TCERG1L: variants seen among roughly 807,000 people sequenced by gnomAD.
The protein encoded by TCERG1L is transcription elongation regulator 1-like protein.
TCERG1L carries 37 observed loss-of-function variants against 56.3 expected under a neutral mutation model. That is an observed-to-expected ratio of 0.66 (90% CI 0.51 to 0.87). TCERG1L has a LOEUF of 0.87. Ranked by LOEUF, TCERG1L falls within the 40% of genes least tolerant of loss-of-function variation. The pLI is 0.00. For missense variants in TCERG1L, 799 were observed against 774.2 expected, an observed-to-expected ratio of 1.03 and a Z score of -0.38; for synonymous variants, 324 against 326.3, an observed-to-expected ratio of 0.99 and a Z score of 0.08.
Position 131,254,220 on chromosome 10 carries a change from G to A in TCERG1L, c.856+6039C>T, listed in dbSNP as rs1039869925. 3.3e-5 allele frequency among the ~76,000 whole-genome samples: 5 copies of A among 151,916 alleles called. No homozygotes were observed. In the East Asian group the frequency reaches 9.7e-4, roughly 30 times the overall value. On this transcript the variant is annotated intron_variant, in intron 4 of 11. Transcript: ENST00000368642. ...GGCTGCTCAGGAAGTAAGGGTGCAG[G>A]TGGGTCACACAGACAGTGACCCCAG...
At chr10:131,216,521 A>T (rs990488798) in intron 4 of TCERG1L, among the ~76,000 whole-genome samples, 1 of 152,198 alleles carries the variant, frequency 6.6e-6, no homozygotes, top group African/African-American at 2.4e-5. Flanking sequence ...TCTCATCCTT[A>T]CGTATTACAT....
At chr10:131,247,264 G>A (rs534861214) in intron 4 of TCERG1L, among the ~76,000 whole-genome samples, 1 of 152,224 alleles carries the variant, frequency 6.6e-6, no homozygotes, top group East Asian at 1.9e-4. Flanking sequence ...TGGCTTGCAT[G>A]TGTATATTAG....
chr10:131,279,977 A>C (rs1846433730), intron 3 of TCERG1L, among the ~76,000 whole-genome samples: 1 of 151,962 alleles, frequency 6.6e-6, no homozygotes, highest in African/African-American at 2.4e-5. Context: ...GCCAGCCTAC[A>C]CCCTTTCGTG....
intron 3 of TCERG1L, among the ~76,000 whole-genome samples, chr10:131,275,190 C>T (rs1846379129): frequency 6.6e-6 from 1 of 152,196 alleles, no homozygotes; most frequent in South Asian, 2.1e-4. Flanking sequence ...TGGCATATGT[C>T]CACGGAGGAC....
At chr10:131,226,825 G>A (rs1302840541) in intron 4 of TCERG1L, among the ~76,000 whole-genome samples, 1 of 152,284 alleles carries the variant, frequency 6.6e-6, no homozygotes, top group Non-Finnish European at 1.5e-5. Flanking sequence ...GACAGATAAA[G>A]TGCTGTATTT....
In TCERG1L at chr10:131,102,417, C is replaced by T. The variant is rs191609491; in HGVS notation, c.1485+1848G>A. Among the ~76,000 whole-genome samples, 9 of 152,298 alleles carry T rather than the reference C, an allele frequency of 5.9e-5. No individual in the cohort carries two copies. The East Asian group carries it at 1.5e-3, about 26-fold the overall frequency. On this transcript the variant is annotated intron_variant, in intron 10 of 11. Transcript: ENST00000368642. ...TTGGTTACAACGAGCAACGCGGGTCCATGTGACTGAGACTCTGTGGGTTCG... is the reference window on the plus strand; with the variant it reads ...TTGGTTACAACGAGCAACGCGGGTCTATGTGACTGAGACTCTGTGGGTTCG...
chr10:131,123,824 C>T (rs899566041), intron 8 of TCERG1L, among the ~76,000 whole-genome samples: 2 of 152,202 alleles, frequency 1.3e-5, no homozygotes, highest in South Asian at 4.1e-4. Context: ...CATTAGGACC[C>T]CACGGAGCCG....
rs550197698 is a variant in TCERG1L, at chr10:131,113,069, G to A, written c.1395+3730C>T. ...GCAAGGCCTCCTTCTGCATCCCTGC[G>A]TTACCCTACCTCGCGGCACATCAAT... On this transcript the variant is annotated intron_variant, in intron 9 of 11. Coordinates refer to ENST00000368642, the MANE Select transcript of TCERG1L (RefSeq NM_174937.4). 1.1e-3 allele frequency among the ~76,000 whole-genome samples: 158 copies of A among 142,556 alleles called. 17 individuals are homozygous for A. Among genetic ancestry groups the A allele is most frequent in the African/African-American group, 3.8e-3 (153 of 40,570 alleles). 93.5% of individuals were successfully genotyped at this position (142,556 alleles called of 152,430 possible).
intron 4 of TCERG1L, among the ~76,000 whole-genome samples, chr10:131,182,204 G>C (rs1845187503): frequency 6.6e-6 from 1 of 152,216 alleles, no homozygotes; most frequent in South Asian, 2.1e-4. Flanking sequence ...AGTCTGCCGT[G>C]TGAGTGGGCA....
chr10:131,134,733 G>A (rs189473666), intron 7 of TCERG1L, among the ~76,000 whole-genome samples: 3 of 152,296 alleles, frequency 2.0e-5, no homozygotes, highest in South Asian at 2.1e-4. Context: ...GAGAATTACA[G>A]GTGGGCCTCT....
At chr10:131,109,906 C>A (rs572943502) in intron 9 of TCERG1L, among the ~76,000 whole-genome samples, 1 of 152,364 alleles carries the variant, frequency 6.6e-6, no homozygotes, top group South Asian at 2.1e-4. Context: ...GGTGTGGATG[C>A]AGGCCAGGGC....
chr10:131,158,397 A>G (rs1845945315), intron 6 of TCERG1L, among the ~76,000 whole-genome samples: 1 of 152,032 alleles, frequency 6.6e-6, no homozygotes, highest in Non-Finnish European at 1.5e-5. Context: ...CTTCTCAAAC[A>G]CTCCATTTCT....
rs1313252979 is a variant in TCERG1L, at chr10:131,192,626, G to C, written c.857-25741C>G. Among the ~76,000 whole-genome samples, 2 of 143,588 alleles carry C rather than the reference G, an allele frequency of 1.4e-5. 1 individual carries two copies. 94.2% of individuals were successfully genotyped at this position (143,588 alleles called of 152,430 possible). A position where few individuals can be genotyped will look rare whatever the true frequency, so the allele number is the denominator to read the frequency against. ...CTAAACGCCCAGCAACTAATGAGTA[G>C]ATAAAGAAAATGTGGTATATCTACA... On this transcript the variant is annotated intron_variant, in intron 4 of 11. Transcript: ENST00000368642.
At chr10:131,235,970 T>C (rs1463126878) in intron 4 of TCERG1L, among the ~76,000 whole-genome samples, 3 of 152,184 alleles carry the variant, frequency 2.0e-5, no homozygotes, top group Non-Finnish European at 4.4e-5. Context: ...AGACAGTAAA[T>C]ACAGTGCCTG....
chr10:131,140,856 G>A (rs1022219683), intron 7 of TCERG1L, among the ~76,000 whole-genome samples: 1 of 152,214 alleles, frequency 6.6e-6, no homozygotes, highest in African/African-American at 2.4e-5. Context: ...AGAGGTGGTG[G>A]AGGTGCCGCC....
Position 131,311,393 on chromosome 10 carries a change from C to G in TCERG1L, c.243G>C (p.Pro81=). The change falls in exon 1 of 12, where the codon CCG becomes CCC. Residue 81 remains proline (P), a synonymous_variant. Coordinates refer to ENST00000368642, the MANE Select transcript of TCERG1L (RefSeq NM_174937.4). This position sits in a 1 kb window ranked among gnomAD's most constrained non-coding sequence, Gnocchi z 4.0. ...APLLPGLPGW[P]APSEPVLPLL... Reference sequence around the variant, plus strand: ...GCGGGAGCACCGGCTCGCTCGGGGCCGGCCAGCCGGGGAGACCGGGGAGCA... The same window carrying G: ...GCGGGAGCACCGGCTCGCTCGGGGCGGGCCAGCCGGGGAGACCGGGGAGCA... The G allele has an allele frequency of 2.5e-6, 3 of 1,187,652 alleles. No individual in the cohort carries two copies. Among genetic ancestry groups the G allele is most frequent in the East Asian group, 3.7e-5 (1 of 27,070 alleles). The allele number at this position is 1,187,652 out of a possible 1,614,324, so 73.6% of individuals were successfully genotyped here. A position where few individuals can be genotyped will look rare whatever the true frequency, so the allele number is the denominator to read the frequency against.
At chr10:131,212,982 T>C (rs1313120364) in intron 4 of TCERG1L, among the ~76,000 whole-genome samples, 1 of 152,208 alleles carries the variant, frequency 6.6e-6, no homozygotes, top group Non-Finnish European at 1.5e-5. Flanking sequence ...CACAAGCATA[T>C]TGAATCTGAA....
At chr10:131,274,677 C>T (rs1281474247) in intron 3 of TCERG1L, among the ~76,000 whole-genome samples, 3 of 152,190 alleles carry the variant, frequency 2.0e-5, no homozygotes, top group African/African-American at 7.2e-5. Context: ...CAGGTACTCA[C>T]AGACGTCAAC....
chr10:131,178,016 T>G (rs1381312632), intron 4 of TCERG1L, among the ~76,000 whole-genome samples: 1 of 151,944 alleles, frequency 6.6e-6, no homozygotes, highest in East Asian at 1.9e-4. Context: ...GCCTCCACAT[T>G]CCGGGACAGT....
Sources: gnomAD v4.1 joint callset for allele counts (sites outside exome capture counted in the v4.1 genomes callset) on GRCh38, gnomAD v4.1.1 for gene constraint, Gnocchi (gnomAD v3.1) non-coding constraint, MANE v1.5 for transcripts, NCBI Gene and HGNC (gene_info 2026-07-23, HGNC 2026-07-21) for gene names.